Variants in SAR1B observed in about 807,000 individuals in gnomAD.
SAR1B encodes small COPII coat GTPase SAR1B.
In SAR1B, 23 loss-of-function variants were observed where a neutral mutation model predicts 26.8. The ratio of observed to expected loss-of-function variants is 0.86; its 90% CI spans 0.62 to 1.22. SAR1B has a LOEUF of 1.22. Among genes scored for constraint, SAR1B ranks in the 50% most tolerant of loss-of-function variants. The probability of loss-of-function intolerance (pLI) is 0.00; values close to 1 mark genes in which losing one functional copy is unlikely to be tolerated. For missense variants in SAR1B, 196 were observed against 232.8 expected, an observed-to-expected ratio of 0.84 and a Z score of 1.03; for synonymous variants, 65 against 80.8, an observed-to-expected ratio of 0.80 and a Z score of 1.05.
intron 5 of SAR1B, among the ~76,000 whole-genome samples, chr5:134,609,355 G>GT (rs1197839509): frequency 6.6e-6 from 1 of 152,176 alleles, no homozygotes; most frequent in Non-Finnish European, 1.5e-5. Context: ...CATAAAAGAT[G>GT]TCTGTGTTAG....
At chr5:134,612,096 G>C (rs769671303) in intron 4 of SAR1B, among the ~76,000 whole-genome samples, 3 of 152,174 alleles carry the variant, frequency 2.0e-5, no homozygotes, top group Non-Finnish European at 2.9e-5. Context: ...TATTTTGTAA[G>C]TAATGAGTTA....
chr5:134,608,531 A>G (rs777866949), intron 5 of SAR1B, 28 bp from the exon 6 acceptor site: 2 of 1,604,036 alleles, frequency 1.2e-6, no homozygotes, highest in East Asian at 2.2e-5. Flanking sequence ...ATACAAAACA[A>G]GAGTTGATAT....
rs543247872 is a variant in SAR1B at position 134,612,642 on chromosome 5, A to T, written c.244+49T>A. On this transcript the variant is annotated intron_variant, in intron 4 of 6. Coordinates refer to ENST00000402673, the MANE Select transcript of SAR1B (RefSeq NM_016103.4). ...CCTGGGAGACAGAGTGAGCCTGTCT[A>T]AAAAAAAAAAAAAAAAAAAAAAAAA... 455 of 179,624 alleles carry T rather than the reference A, an allele frequency of 2.5e-3. 11 individuals are homozygous for T. In the East Asian group the frequency reaches 0.051, roughly 20 times the overall value. 11.1% of individuals were successfully genotyped at this position (179,624 alleles called of 1,614,324 possible).
chr5:134,630,889 C>CTTT (rs781218368), intron 1 of SAR1B, among the ~76,000 whole-genome samples: 5 of 69,120 alleles, frequency 7.2e-5, no homozygotes, highest in South Asian at 4.8e-4. Flanking sequence ...CTTTTTTTTT[C>CTTT]TTTTTTTTTT....
chr5:134,621,048 T>C lies in SAR1B; in HGVS notation c.63A>G (p.Leu21=), dbSNP rs758130865. ...GFSSVLQFLG[L]YKKTGKLVFL... is the part of the protein sequence containing the mutation. ...ATACCAGTTTACCAGTTTTCTTATATAATCCTGCAAAGCAAGAGCTATGAT... is the reference window on the plus strand; with the variant it reads ...ATACCAGTTTACCAGTTTTCTTATACAATCCTGCAAAGCAAGAGCTATGAT... The change falls in exon 3 of 7, where the codon TTA becomes TTG. Residue 21 remains leucine, a synonymous_variant. Transcript: ENST00000402673. 15 of 1,613,254 alleles carry C rather than the reference T, an allele frequency of 9.3e-6. No individual in the cohort carries two copies. The East Asian group carries it at 2.5e-4, about 26-fold the overall frequency.
intron 3 of SAR1B, among the ~76,000 whole-genome samples, chr5:134,617,268 T>C (rs1037215642): frequency 6.6e-6 from 1 of 151,878 alleles, no homozygotes; most frequent in African/African-American, 2.4e-5. Flanking sequence ...CACCAACAAA[T>C]AAAGCTAGTA....
At position 134,604,296 on chromosome 5, in the gene SAR1B, GCATCTTGCAGTGTGGGACA is replaced by G. The variant is rs1455874474; in HGVS notation, c.*2635_*2653del. The G allele has an allele frequency of 8.5e-5, 13 of 152,188 alleles. No homozygotes were observed. Among genetic ancestry groups the G allele is most frequent in the Admixed American group, 8.5e-4 (13 of 15,276 alleles). The allele number at this position is 152,188 out of a possible 1,614,324, so 9.4% of individuals were successfully genotyped here. A position where few individuals can be genotyped will look rare whatever the true frequency, so the allele number is the denominator to read the frequency against. On this transcript the variant is annotated 3_prime_UTR_variant, in exon 7 of 7. Coordinates refer to ENST00000402673, the MANE Select transcript of SAR1B (RefSeq NM_016103.4). ...ATACCACAGTGTTAACTACGCCCTA[GCATCTTGCAGTGTGGGACA>G]CACAATTAGCCTATGTCCCCAGTAC... is the stretch of plus-strand genomic sequence containing the variant.
intron 2 of SAR1B, among the ~76,000 whole-genome samples, 166 bp from the exon 3 acceptor site, chr5:134,621,218 C>T (rs978419817): frequency 2.0e-5 from 3 of 152,046 alleles, no homozygotes; most frequent in Admixed American, 1.3e-4. Flanking sequence ...ACCTGTAGTC[C>T]CAGCACTTTG....
At chr5:134,607,425 A>G (rs1228858253) in intron 6 of SAR1B, among the ~76,000 whole-genome samples, 1 of 152,222 alleles carries the variant, frequency 6.6e-6, no homozygotes, top group Non-Finnish European at 1.5e-5. Flanking sequence ...ATATCAAGCT[A>G]ATTTATAAAA....
intron 2 of SAR1B, among the ~76,000 whole-genome samples, chr5:134,622,716 A>G (rs890089896): frequency 1.3e-5 from 2 of 151,118 alleles, no homozygotes; most frequent in Admixed American, 6.6e-5. Flanking sequence ...GGCCTTAACT[A>G]TTCTTAACTA....
At chr5:134,615,497 A>G (rs1255848030) in intron 3 of SAR1B, among the ~76,000 whole-genome samples, 1 of 150,982 alleles carries the variant, frequency 6.6e-6, no homozygotes, top group Non-Finnish European at 1.5e-5. Context: ...CCTGGGCAAC[A>G]GAGAGAGATT....
intron 3 of SAR1B, among the ~76,000 whole-genome samples, chr5:134,615,452 T>C (rs1302791747): frequency 6.7e-6 from 1 of 149,344 alleles, no homozygotes; most frequent in Admixed American, 6.7e-5. Context: ...GAGGCGGAGG[T>C]TGCAGTGAGC....
chr5:134,609,665 A>G lies in SAR1B; in HGVS notation c.254T>C (p.Val85Ala). ...DLGGHVQARR[V>A]WKNYLPAING... is the part of the protein sequence containing the mutation. ...GATAGCAGGAAGGTAGTTTTTCCACACTCTTCGAGCTAACAAAAACAATCA... is the reference window on the plus strand; with the variant it reads ...GATAGCAGGAAGGTAGTTTTTCCACGCTCTTCGAGCTAACAAAAACAATCA... Residue 85 changes from valine to alanine, a missense_variant, in exon 5 of 7, where the codon GTG becomes GCG. Transcript: ENST00000402673. 1 of 1,613,832 alleles carries G rather than the reference A, an allele frequency of 6.2e-7. No homozygotes were observed. Among genetic ancestry groups the G allele is most frequent in the Non-Finnish European group, 8.5e-7 (1 of 1,179,824 alleles).
Position 134,608,358 on chromosome 5 carries a change from T to A in SAR1B, c.480+14A>T, listed in dbSNP as rs1561783706. On this transcript the variant is annotated intron_variant, in intron 6 of 6. Transcript: ENST00000402673. ...AATTAAACACACCCATCATAATTTT[T>A]TTTTTTTTTTTACCTTTCCTGTTGT... 1.3e-6 allele frequency: 2 copies of A among 1,546,454 alleles called. No homozygotes were observed. Among genetic ancestry groups the A allele is most frequent in the Non-Finnish European group, 1.7e-6 (2 of 1,145,476 alleles).
At chr5:134,629,198 G>T (rs1376335052) in intron 1 of SAR1B, among the ~76,000 whole-genome samples, 2 of 152,028 alleles carry the variant, frequency 1.3e-5, no homozygotes, top group African/African-American at 4.8e-5. Context: ...AAGGTGGGGG[G>T]ATCACTTGAA....
intron 1 of SAR1B, among the ~76,000 whole-genome samples, chr5:134,627,317 T>C (rs1306437987): frequency 2.0e-5 from 3 of 150,662 alleles, no homozygotes; most frequent in African/African-American, 4.9e-5. Context: ...TCCCAAAGTG[T>C]TGGGATTACA....
Position 134,608,416 on chromosome 5 carries a change from T to C in SAR1B, c.436A>G (p.Arg146Gly), listed in dbSNP as rs1765164592. 1 of 1,606,484 alleles carries C rather than the reference T, an allele frequency of 6.2e-7. No homozygotes were observed. The highest frequency in any genetic ancestry group is 1.1e-5 in the South Asian group (1 of 90,198). The change falls in exon 6 of 7, where the codon AGG (arginine) becomes GGG (glycine). Residue 146 changes from arginine to glycine, a missense_variant. Arg to Gly is a moderately radical substitution (Grantham distance 125, BLOSUM62 -2). Transcript: ENST00000402673. Reference sequence around the variant, plus strand: ...TATAAACCAAACATCTCTCGCAACCTCTCTTCACTGATGGCTTCAGGTCTG... The same window carrying C: ...TATAAACCAAACATCTCTCGCAACCCCTCTTCACTGATGGCTTCAGGTCTG... The part of the protein sequence containing the change: ...IDRPEAISEE[R>G]LREMFGLYGQ...
intron 3 of SAR1B, chr5:134,618,236 G>C (rs1765346542): frequency 6.6e-6 from 1 of 152,164 alleles, no homozygotes. Context: ...AGAATGGTGT[G>C]AACTTGGGAG....
At chr5:134,625,139 C>G (rs1765474438) in intron 1 of SAR1B, among the ~76,000 whole-genome samples, 1 of 152,120 alleles carries the variant, frequency 6.6e-6, no homozygotes, top group South Asian at 2.1e-4. Context: ...GGGAATCTGA[C>G]TCCAAAAGTG....
Sources: gnomAD v4.1 joint callset for allele counts (sites outside exome capture counted in the v4.1 genomes callset) on GRCh38, gnomAD v4.1.1 for gene constraint, MANE v1.5 for transcripts, NCBI Gene and HGNC (gene_info 2026-07-23, HGNC 2026-07-21) for gene names.